PDXDC1: variants seen among roughly 807,000 people sequenced by gnomAD.
PDXDC1 encodes the protein pyridoxal dependent decarboxylase domain containing 1.
PDXDC1 carries 42 observed loss-of-function variants against 100.1 expected under a neutral mutation model. The ratio of observed to expected loss-of-function variants is 0.42; its 90% CI spans 0.33 to 0.54. The LOEUF is 0.54. Among genes scored for constraint, PDXDC1 ranks in the 20% least tolerant of loss-of-function variants. The probability of loss-of-function intolerance (pLI) is 0.10; values close to 1 mark genes in which losing one functional copy is unlikely to be tolerated. For synonymous variants in PDXDC1, 260 were observed against 371.7 expected, an observed-to-expected ratio of 0.70 and a Z score of 3.46; for missense variants, 636 against 979.2, an observed-to-expected ratio of 0.65 and a Z score of 4.68.
rs1252552471 is a variant in PDXDC1 at position 15,037,318 on chromosome 16, T to TG, written c.*1043_*1044insG. 2 of 152,266 alleles carry TG rather than the reference T, an allele frequency of 1.3e-5. No individual in the cohort carries two copies. Among genetic ancestry groups the TG allele is most frequent in the Non-Finnish European group, 2.9e-5 (2 of 68,064 alleles). 9.4% of individuals were successfully genotyped at this position (152,266 alleles called of 1,614,324 possible). ...GTCGTAAGTAATGGCCCCTGTGCCT[T>TG]CTTAATCCAGCAGTCAAGCTTTTGG... On this transcript the variant is annotated 3_prime_UTR_variant, in exon 23 of 23. Transcript: ENST00000396410.
At chr16:15,140,804 G>A (rs1278908762), downstream of PDXDC1, among the ~76,000 whole-genome samples, 3 of 151,932 alleles carry the variant, frequency 2.0e-5, no homozygotes, top group Non-Finnish European at 4.4e-5. Context: ...CTGGTCCCAC[G>A]CACTCCCAGT....
chr16:15,028,881 C>T lies in PDXDC1; in HGVS notation c.1208C>T (p.Pro403Leu), dbSNP rs772887191. Residue 403 changes from proline (P) to leucine (L), a missense_variant, in exon 15 of 23, where the codon CCG becomes CTG. Around this residue, in one of 4 missense-constraint regions of PDXDC1, gnomAD observed 44 missense variants for 46.9 expected, o/e 0.94. Transcript: ENST00000396410. ...CCTTTCTGTGTTTTGGTGTCAGATCCGGTGTTTAAAGCCGTCCCAGTGCCC... is the reference window on the plus strand; with the variant it reads ...CCTTTCTGTGTTTTGGTGTCAGATCTGGTGTTTAAAGCCGTCCCAGTGCCC... ...RFFQELPGSD[P>L]VFKAVPVPNM... is the part of the protein sequence containing the mutation. The T allele has an allele frequency of 3.3e-5, 53 of 1,613,406 alleles. No homozygotes were observed. In the East Asian group the frequency reaches 4.0e-4, roughly 12 times the overall value.
In PDXDC1 at chr16:15,032,902, A is replaced by G. The variant is rs140110211; in HGVS notation, c.1613A>G (p.Asp538Gly). The G allele has an allele frequency of 6.2e-7, 1 of 1,612,020 alleles. No homozygotes were observed. The highest frequency in any genetic ancestry group is 8.5e-7 in the Non-Finnish European group (1 of 1,177,992). The change falls in exon 18 of 23, where the codon GAT becomes GGT. Residue 538 changes from aspartate to glycine, a missense_variant. By Grantham distance (94) the Asp-to-Gly change is moderately conservative (BLOSUM62 -1). Around this residue, in one of 4 missense-constraint regions of PDXDC1, gnomAD observed 452 missense variants for 402.9 expected, o/e 1.12. Coordinates refer to ENST00000396410, the MANE Select transcript of PDXDC1 (RefSeq NM_015027.4). Reference sequence around the variant, plus strand: ...GATGATAAGAGCAGTTTGAAATCAGATCCCGAAGGGGAAAACATCCATGCT... The same window carrying G: ...GATGATAAGAGCAGTTTGAAATCAGGTCCCGAAGGGGAAAACATCCATGCT... ...ANDDKSSLKSDPEGENIHAGL... is the reference protein window; with the variant it reads ...ANDDKSSLKSGPEGENIHAGL...
intron 16 of PDXDC1, among the ~76,000 whole-genome samples, chr16:15,077,248 G>T (rs1329645118): frequency 6.6e-6 from 1 of 151,960 alleles, no homozygotes; most frequent in African/African-American, 2.4e-5. Context: ...CAAAGTGCTG[G>T]AATTACAGGC....
intron 8 of PDXDC1, among the ~76,000 whole-genome samples, chr16:15,012,204 A>G (rs577517707): frequency 1.8e-4 from 28 of 152,190 alleles, no homozygotes; most frequent in African/African-American, 6.3e-4. Flanking sequence ...CCCGGGTTCC[A>G]GTGATTCTTC....
At chr16:15,066,837 G>T (rs1240887441) in intron 16 of PDXDC1, among the ~76,000 whole-genome samples, 1 of 151,786 alleles carries the variant, frequency 6.6e-6, no homozygotes, top group Non-Finnish European at 1.5e-5. Context: ...TACCTAGGCA[G>T]AGACTTTTAT....
At chr16:14,986,928 G>A (rs1345489394) in intron 1 of PDXDC1, among the ~76,000 whole-genome samples, 2 of 152,290 alleles carry the variant, frequency 1.3e-5, no homozygotes, top group African/African-American at 2.4e-5. Flanking sequence ...TGTATTTTTA[G>A]TAGAGACGGG....
At chr16:15,128,889 T>C (rs1202486442) in intron 16 of PDXDC1, among the ~76,000 whole-genome samples, 4 of 147,982 alleles carry the variant, frequency 2.7e-5, no homozygotes, top group African/African-American at 1.0e-4. Context: ...CACTGCAAGC[T>C]CCGCCTCCCG....
chr16:15,132,911 G>T, intron 16 of PDXDC1: 1 of 1,586,642 alleles, frequency 6.3e-7, no homozygotes, highest in South Asian at 1.1e-5. Context: ...TGTCAGCAGG[G>T]CAGGAGACCG....
intron 16 of PDXDC1, 35 bp from the exon 17 acceptor site, chr16:15,031,700 C>T (rs767431048): frequency 6.1e-5 from 97 of 1,583,826 alleles, no homozygotes; most frequent in Non-Finnish European, 7.3e-5. Context: ...TTGGCCATCT[C>T]GTGAGCATTT....
At chr16:15,095,259 G>A (rs2046314052) in intron 16 of PDXDC1, among the ~76,000 whole-genome samples, 1 of 152,144 alleles carries the variant, frequency 6.6e-6, no homozygotes. Context: ...AGGATGTAGA[G>A]GGAGAGCAGG....
rs1267427502 is a variant in PDXDC1, at chr16:14,993,844, G to A, written c.22-3909G>A. Among the ~76,000 whole-genome samples the A allele has an allele frequency of 6.6e-5, 10 of 152,278 alleles. No individual in the cohort carries two copies. In the East Asian group the frequency reaches 9.6e-4, roughly 15 times the overall value. On this transcript the variant is annotated intron_variant, in intron 1 of 22. Coordinates refer to ENST00000396410, the MANE Select transcript of PDXDC1 (RefSeq NM_015027.4). ...TTTAATGATTGCCATTCTAACTGGT[G>A]TGAGATGGTATCTCATTGTGGTTTT...
At chr16:15,005,608 G>A (rs1443660390) in intron 5 of PDXDC1, among the ~76,000 whole-genome samples, 1 of 152,282 alleles carries the variant, frequency 6.6e-6, no homozygotes, top group Non-Finnish European at 1.5e-5. Flanking sequence ...TGTTGTTCTA[G>A]TAAAAATCTA....
Position 15,032,655 on chromosome 16 carries a change from A to C in PDXDC1, c.1572-206A>C, listed in dbSNP as rs1934553670. ...GGCCACCAAGTGAGACCCTGCTTTAAAAAAAAAAAAAAAAGGCTTTCCTGT... is the reference window on the plus strand; with the variant it reads ...GGCCACCAAGTGAGACCCTGCTTTACAAAAAAAAAAAAAAGGCTTTCCTGT... On this transcript the variant is annotated intron_variant, in intron 17 of 22. Coordinates refer to ENST00000396410, the MANE Select transcript of PDXDC1 (RefSeq NM_015027.4). 4 of 226,706 alleles carry C rather than the reference A, an allele frequency of 1.8e-5. No homozygotes were observed. In the South Asian group the frequency reaches 3.7e-4, roughly 21 times the overall value. 14.0% of individuals were successfully genotyped at this position (226,706 alleles called of 1,614,324 possible). A position where few individuals can be genotyped will look rare whatever the true frequency, so the allele number is the denominator to read the frequency against.
intron 1 of PDXDC1, 95 bp from the exon 2 acceptor site, chr16:14,997,658 A>G: frequency 1.6e-6 from 2 of 1,288,556 alleles, no homozygotes; most frequent in Non-Finnish European, 2.1e-6. Context: ...CAGTAAATCC[A>G]GAAGAAATTA....
intron 16 of PDXDC1, among the ~76,000 whole-genome samples, chr16:15,098,048 A>T (rs1167921671): frequency 7.0e-6 from 1 of 142,674 alleles, no homozygotes; most frequent in East Asian, 2.1e-4. Flanking sequence ...AAATGCTGAG[A>T]TTATAGGCAT....
chr16:15,135,893 G>T, intron 16 of PDXDC1: 2 of 1,577,612 alleles, frequency 1.3e-6, no homozygotes, highest in Admixed American at 1.7e-5. Context: ...GTGCCCCACA[G>T]GCAGCGCCAG....
the PDXDC1 span, among the ~76,000 whole-genome samples, chr16:15,145,140 C>T: frequency 6.6e-6 from 1 of 152,194 alleles, no homozygotes; most frequent in East Asian, 1.9e-4. Flanking sequence ...CAGCAGGGTC[C>T]AGAGTGTCAA....
intron 16 of PDXDC1, chr16:15,131,187 A>G (rs2048037461): frequency 6.3e-7 from 1 of 1,589,578 alleles, no homozygotes; most frequent in Non-Finnish European, 8.6e-7. Flanking sequence ...GCTGGACCAC[A>G]ACGGAGTTGG....
Sources: gnomAD v4.1 joint callset for allele counts (sites outside exome capture counted in the v4.1 genomes callset) on GRCh38, gnomAD v4.1.1 for gene constraint, gnomAD v4.1.1 regional missense constraint, MANE v1.5 for transcripts, NCBI Gene and HGNC (gene_info 2026-07-23, HGNC 2026-07-21) for gene names.